The following TFDP2 variants were observed in gnomAD, a reference collection of about 807,000 sequenced individuals.
The protein encoded by TFDP2 is transcription factor Dp-2.
In TFDP2, 17 loss-of-function variants were observed where a neutral mutation model predicts 59.3. That is an observed-to-expected ratio of 0.29 (90% confidence interval 0.20 to 0.43). The LOEUF is 0.43. Ranked by LOEUF, TFDP2 falls within the 20% of genes least tolerant of loss-of-function variation. The probability of loss-of-function intolerance (pLI) is 1.00; values close to 1 mark genes in which losing one functional copy is unlikely to be tolerated. For synonymous variants in TFDP2, 180 were observed against 194.7 expected (o/e 0.92, Z 0.63); for missense variants, 391 against 528.8 (o/e 0.74, Z 2.56).
chr3:141,982,091 A>G (rs374652611), intron 6 of TFDP2, among the ~76,000 whole-genome samples: 1 of 152,188 alleles, frequency 6.6e-6, no homozygotes, highest in East Asian at 1.9e-4. Context: ...GGAAGTGTGA[A>G]TTGAGATATG....
At chr3:142,033,533 G>C (rs1946534791) in intron 3 of TFDP2, among the ~76,000 whole-genome samples, 1 of 152,104 alleles carries the variant, frequency 6.6e-6, no homozygotes, top group Non-Finnish European at 1.5e-5. Flanking sequence ...AAAGATAAGG[G>C]AGGCCTACAC....
intron 10 of TFDP2, among the ~76,000 whole-genome samples, chr3:141,962,027 C>A (rs1937428456): frequency 6.6e-6 from 1 of 152,086 alleles, no homozygotes; most frequent in Admixed American, 6.5e-5. Flanking sequence ...TGGGTCACTG[C>A]AACCTCTGCC....
At chr3:141,984,262 G>A (rs937619992) in intron 6 of TFDP2, among the ~76,000 whole-genome samples, 45 of 152,284 alleles carry the variant, frequency 3.0e-4, no homozygotes, top group African/African-American at 1.0e-3. Context: ...AGCACTTTGG[G>A]AGGCCGAGGT....
chr3:142,091,867 C>A (rs1331206618), intron 3 of TFDP2, among the ~76,000 whole-genome samples: 1 of 152,176 alleles, frequency 6.6e-6, no homozygotes, highest in Non-Finnish European at 1.5e-5. Flanking sequence ...TGGCCGCTCA[C>A]CTTCTGCTAT....
intron 6 of TFDP2, among the ~76,000 whole-genome samples, chr3:141,980,825 T>C (rs761748676): frequency 3.9e-5 from 6 of 152,202 alleles, no homozygotes; most frequent in Non-Finnish European, 7.4e-5. Context: ...TGTGAACCAC[T>C]GCTCCTGGCC....
At chr3:142,000,959 T>C (rs942455310) in intron 4 of TFDP2, among the ~76,000 whole-genome samples, 6 of 152,186 alleles carry the variant, frequency 3.9e-5, no homozygotes, top group Admixed American at 2.0e-4. Flanking sequence ...GGGCAGCCCA[T>C]GCTGCAGTTC....
At chr3:142,028,660 T>C in intron 3 of TFDP2, 1 of 985,446 alleles carries the variant, frequency 1.0e-6, no homozygotes, top group Non-Finnish European at 1.2e-6. Context: ...AACTTGAGAC[T>C]GTGTCAGACG....
At position 142,050,621 on chromosome 3, in the gene TFDP2, G is replaced by T. The variant is rs189955090; in HGVS notation, c.82+42440C>A. On this transcript the variant is annotated intron_variant, in intron 3 of 12. Transcript: ENST00000489671. Reference sequence around the variant, plus strand: ...TGAGGCAGGGGAATGGTATGAACCTGGGAGGCAGAGCTTGCAGTGAGTCAC... The same window carrying T: ...TGAGGCAGGGGAATGGTATGAACCTTGGAGGCAGAGCTTGCAGTGAGTCAC... 1.2e-3 allele frequency among the ~76,000 whole-genome samples: 175 copies of T among 151,450 alleles called. 1 individual carries two copies. The highest frequency in any genetic ancestry group is 3.8e-3 in the African/African-American group (159 of 41,300).
chr3:141,993,596 A>G lies in TFDP2; in HGVS notation c.309-11T>C. The G allele has an allele frequency of 6.6e-7, 1 of 1,507,288 alleles. No individual in the cohort carries two copies. The allele number at this position is 1,507,288 out of a possible 1,614,324, so 93.4% of individuals were successfully genotyped here. A position where few individuals can be genotyped will look rare whatever the true frequency, so the allele number is the denominator to read the frequency against. ...GCCCGTTTTCTATCACTAAAAAGGAAAAAAGATAGCATAAAAACAATACAT... is the reference window on the plus strand; with the variant it reads ...GCCCGTTTTCTATCACTAAAAAGGAGAAAAGATAGCATAAAAACAATACAT... On this transcript the variant is annotated splice_polypyrimidine_tract_variant and intron_variant, in intron 5 of 12. Coordinates refer to ENST00000489671, the MANE Select transcript of TFDP2 (RefSeq NM_001178139.2).
At chr3:142,072,214 C>T (rs186981282) in intron 3 of TFDP2, among the ~76,000 whole-genome samples, 18 of 152,298 alleles carry the variant, frequency 1.2e-4, no homozygotes, top group African/African-American at 4.8e-5. Flanking sequence ...TGCAGTTGCT[C>T]ATTTAATCTT....
Position 141,960,815 on chromosome 3 carries a change from G to A in TFDP2, c.885-975C>T, listed in dbSNP as rs151257591. On this transcript the variant is annotated intron_variant, in intron 10 of 12. Transcript: ENST00000489671. ...TTCAGGCATCTGTTAAAAGCAGATC[G>A]TTTTGTAAATGTAATCCTCATTGTG... 2.2e-4 allele frequency among the ~76,000 whole-genome samples: 33 copies of A among 152,260 alleles called. No homozygotes were observed. In the East Asian group the frequency reaches 4.1e-3, roughly 19 times the overall value.
intron 1 of TFDP2, among the ~76,000 whole-genome samples, chr3:142,136,415 CTTTAG>C (rs1221460168): frequency 1.3e-5 from 2 of 152,040 alleles, no homozygotes; most frequent in Non-Finnish European, 2.9e-5. Context: ...TGCAGAAGCT[CTTTAG>C]TTTAATTAGA....
chr3:142,132,137 T>C (rs917548333), intron 1 of TFDP2, among the ~76,000 whole-genome samples: 2 of 150,090 alleles, frequency 1.3e-5, no homozygotes, highest in Admixed American at 6.6e-5. Flanking sequence ...ATATGAAACA[T>C]TATTTTGCAA....
intron 4 of TFDP2, among the ~76,000 whole-genome samples, chr3:141,999,411 T>G (rs1943565112): frequency 6.6e-6 from 1 of 152,218 alleles, no homozygotes. Context: ...TAGTTACATT[T>G]TGGGGGAGTC....
At chr3:141,960,416 GAAAGTA>G (rs2107882097) in intron 10 of TFDP2, among the ~76,000 whole-genome samples, 1 of 152,236 alleles carries the variant, frequency 6.6e-6, no homozygotes, top group South Asian at 2.1e-4. Flanking sequence ...AATATGTTTG[GAAAGTA>G]CCCAAATTGG....
rs2061654372 is a variant in TFDP2, at chr3:142,111,395, T to C, written c.-92-9554A>G. ...GTTAGCTGAGATCGTGCCACTGCAC[T>C]CCGGCCTGGCCGACAGAGTTAGACT... On this transcript the variant is annotated intron_variant, in intron 1 of 12. Transcript: ENST00000489671. Among the ~76,000 whole-genome samples the C allele has an allele frequency of 1.5e-5, 2 of 134,918 alleles. 1 individual carries two copies. The highest frequency in any genetic ancestry group is 4.5e-4 in the South Asian group (2 of 4,448). 88.5% of individuals were successfully genotyped at this position (134,918 alleles called of 152,430 possible). A position where few individuals can be genotyped will look rare whatever the true frequency, so the allele number is the denominator to read the frequency against.
chr3:142,066,312 TA>T (rs1311485419), intron 3 of TFDP2, among the ~76,000 whole-genome samples: 2 of 152,186 alleles, frequency 1.3e-5, no homozygotes, highest in African/African-American at 4.8e-5. Context: ...GCTATGAAGG[TA>T]AGTATGATGC....
intron 1 of TFDP2, among the ~76,000 whole-genome samples, chr3:142,137,994 T>A (rs1577067872): frequency 6.6e-6 from 1 of 152,184 alleles, no homozygotes; most frequent in Non-Finnish European, 1.5e-5. Flanking sequence ...GCTGTGAATC[T>A]GTCTGGTCCT....
chr3:142,128,818 G>C (rs748668899), intron 1 of TFDP2, among the ~76,000 whole-genome samples: 4 of 151,778 alleles, frequency 2.6e-5, no homozygotes, highest in Non-Finnish European at 5.9e-5. Flanking sequence ...AAAAGCTTGA[G>C]AAGAGTTCTT....
Sources: allele counts gnomAD v4.1 joint callset (sites outside exome capture counted in the v4.1 genomes callset), GRCh38; gene constraint gnomAD v4.1.1; transcripts MANE v1.5; gene names NCBI Gene and HGNC (gene_info 2026-07-23, HGNC 2026-07-21).